Variants in MSRB1 observed in about 807,000 individuals in gnomAD.
The protein encoded by MSRB1 is methionine-R-sulfoxide reductase B1.
Under a neutral mutation model 15.2 loss-of-function variants are expected in MSRB1, and 13 were observed. The observed-to-expected ratio is 0.86, with a 90% CI of 0.56 to 1.36. MSRB1 has a LOEUF of 1.36. Ranked by LOEUF, MSRB1 falls within the 40% of genes most tolerant of loss-of-function variation. MSRB1 has a pLI of 0.00. For missense variants in MSRB1, 174 were observed against 155.9 expected, an observed-to-expected ratio of 1.12 and a Z score of -0.62; for synonymous variants, 68 against 64.5, an observed-to-expected ratio of 1.05 and a Z score of -0.26.
In MSRB1 at chr16:1,940,830, C is replaced by CG. The variant is rs764550663; in HGVS notation, c.266dup (p.Gln91AlafsTer16). ...TGAATATTCAGAATCGGGACTGCCC[C>CG]GGCTTGGGGCCGTCGTTCAGGAACT... On this transcript the variant is annotated frameshift_variant, in exon 3 of 4. Transcript: ENST00000361871. LOFTEE classifies it high-confidence loss of function. 1.2e-6 allele frequency: 2 copies of CG among 1,614,026 alleles called. No individual in the cohort carries two copies. Among genetic ancestry groups the CG allele is most frequent in the Non-Finnish European group, 1.7e-6 (2 of 1,180,054 alleles).
At chr16:1,940,618 G>A (rs1304365420) in intron 3 of MSRB1, among the ~76,000 whole-genome samples, 160 bp downstream of exon 3, 2 of 152,262 alleles carry the variant, frequency 1.3e-5, no homozygotes, top group Admixed American at 1.3e-4. Context: ...TTGCCCCTGC[G>A]CTGCAGCCAC....
At chr16:1,941,637 C>A (rs563460274) in intron 1 of MSRB1, 52 of 594,920 alleles carry the variant, frequency 8.7e-5, no homozygotes, top group Non-Finnish European at 5.9e-6. Flanking sequence ...CTTCTCATAG[C>A]CCCGTGACGG....
At position 1,939,036 on chromosome 16, in the gene MSRB1, G is replaced by T; in HGVS notation, c.*76C>A. Reference sequence around the variant, plus strand: ...CTGCCTTCCTGTCTCGACGCCCAGGGTTCCAACTCCAAGGTGGAATGGCCA... The same window carrying T: ...CTGCCTTCCTGTCTCGACGCCCAGGTTTCCAACTCCAAGGTGGAATGGCCA... On this transcript the variant is annotated 3_prime_UTR_variant, in exon 4 of 4. Coordinates refer to ENST00000361871, the MANE Select transcript of MSRB1 (RefSeq NM_016332.4). 1.9e-6 allele frequency: 3 copies of T among 1,566,580 alleles called. No individual in the cohort carries two copies. The highest frequency in any genetic ancestry group is 4.5e-5 in the East Asian group (2 of 44,204).
At chr16:1,940,681 A>C in intron 3 of MSRB1, 97 bp downstream of exon 3, 1 of 1,422,294 alleles carries the variant, frequency 7.0e-7, no homozygotes, top group South Asian at 1.4e-5. Flanking sequence ...GTGGCCCCAT[A>C]CCTTGTCATG....
At chr16:1,939,691 C>T (rs2083063239) in intron 3 of MSRB1, among the ~76,000 whole-genome samples, 1 of 152,146 alleles carries the variant, frequency 6.6e-6, no homozygotes, top group African/African-American at 2.4e-5. Flanking sequence ...CGGTAGCTCA[C>T]GCCTATAATC....
At chr16:1,939,227 G>T (rs1567306021) in intron 3 of MSRB1, 84 bp from the exon 4 acceptor site, 2 of 1,444,874 alleles carry the variant, frequency 1.4e-6, no homozygotes, top group African/African-American at 2.8e-5. Context: ...GCGGTGGAAA[G>T]CCAGGGTAGG....
In MSRB1 at chr16:1,943,193, A is replaced by T. The variant is rs575130473; in HGVS notation, c.-37T>A. On this transcript the variant is annotated 5_prime_UTR_variant, in exon 1 of 4. It adds an upstream start codon to the 5' untranslated region. Coordinates refer to ENST00000361871, the MANE Select transcript of MSRB1 (RefSeq NM_016332.4). Reference sequence around the variant, plus strand: ...AACCGCAGCGCGCTTGCCGCTGCCAACTGACCAAAGGCTGCCGACCCGACG... The same window carrying T: ...AACCGCAGCGCGCTTGCCGCTGCCATCTGACCAAAGGCTGCCGACCCGACG... The T allele has an allele frequency of 1.4e-5, 21 of 1,550,282 alleles. No homozygotes were observed. In the East Asian group the frequency reaches 4.9e-4, roughly 36 times the overall value.
chr16:1,939,242 G>A (rs2083059784), intron 3 of MSRB1, 99 bp from the exon 4 acceptor site: 2 of 1,337,712 alleles, frequency 1.5e-6, no homozygotes, highest in South Asian at 1.4e-5. Context: ...GGTAGGGGCA[G>A]AAAGCAAGTC....
At chr16:1,940,519 G>C (rs528732708) in intron 3 of MSRB1, among the ~76,000 whole-genome samples, 6 of 152,386 alleles carry the variant, frequency 3.9e-5, no homozygotes, top group African/African-American at 1.4e-4. Context: ...CCAGGCCTCT[G>C]AGGAAAACCA....
chr16:1,938,519 C>A lies in MSRB1; in HGVS notation c.*593G>T. 6.4e-6 allele frequency: 1 copy of A among 157,200 alleles called. No homozygotes were observed. Among genetic ancestry groups the A allele is most frequent in the Non-Finnish European group, 1.4e-5 (1 of 70,608 alleles). The allele number at this position is 157,200 out of a possible 1,614,324, so 9.7% of individuals were successfully genotyped here. A position where few individuals can be genotyped will look rare whatever the true frequency, so the allele number is the denominator to read the frequency against. The stretch of plus-strand genomic sequence containing the variant: ...GAAACAGGGTTTAGGTTTCTCCCCT[C>A]GTGGACGAGAGGCCAAGGGTGTGCC... On this transcript the variant is annotated 3_prime_UTR_variant, in exon 4 of 4. Transcript: ENST00000361871.
chr16:1,943,169 A>G lies in MSRB1; in HGVS notation c.-13T>C. 6.4e-7 allele frequency: 1 copy of G among 1,555,954 alleles called. No homozygotes were observed. The highest frequency in any genetic ancestry group is 1.7e-4 in the Middle Eastern group (1 of 5,998). Reference sequence around the variant, plus strand: ...TGCAGAACGACATGGCGCCACCGGAACCGCAGCGCGCTTGCCGCTGCCAAC... The same window carrying G: ...TGCAGAACGACATGGCGCCACCGGAGCCGCAGCGCGCTTGCCGCTGCCAAC... On this transcript the variant is annotated 5_prime_UTR_variant, in exon 1 of 4. Transcript: ENST00000361871.
rs1223973904 is a variant in MSRB1, at chr16:1,938,272, C to T, written c.*840G>A. The T allele has an allele frequency of 6.6e-6, 1 of 152,232 alleles. No homozygotes were observed. The highest frequency in any genetic ancestry group is 1.5e-5 in the Non-Finnish European group (1 of 68,050). The allele number at this position is 152,232 out of a possible 1,614,324, so 9.4% of individuals were successfully genotyped here. A position where few individuals can be genotyped will look rare whatever the true frequency, so the allele number is the denominator to read the frequency against. ...TTGTCTATGGATTTCCACCTGATTA[C>T]TCCAGAAAGTAATTACTTAAGATGG... On this transcript the variant is annotated 3_prime_UTR_variant, in exon 4 of 4. Coordinates refer to ENST00000361871, the MANE Select transcript of MSRB1 (RefSeq NM_016332.4).
In MSRB1 at chr16:1,939,119, C is replaced by T; in HGVS notation, c.344G>A (p.Gly115Asp). The T allele has an allele frequency of 6.2e-7, 1 of 1,610,320 alleles. No homozygotes were observed. The highest frequency in any genetic ancestry group is 1.1e-5 in the South Asian group (1 of 90,898). The change falls in exon 4 of 4, where the codon GGT becomes GAT. Residue 115 changes from glycine (G) to aspartate (D), a missense_variant. Gly to Asp is a moderately conservative substitution (Grantham distance 94, BLOSUM62 -1). Transcript: ENST00000361871. ...TGGGTGTGGGCTGCCCGCCTAGTGACCCTGGGAGGCAGAAGTTTCTTTGCC... is the reference window on the plus strand; with the variant it reads ...TGGGTGTGGGCTGCCCGCCTAGTGATCCTGGGAGGCAGAAGTTTCTTTGCC... The part of the protein sequence containing the change: ...PKGKETSASQ[G>D]H
At chr16:1,939,247 C>T in intron 3 of MSRB1, 104 bp from the exon 4 acceptor site, 11 of 1,252,048 alleles carry the variant, frequency 8.8e-6, no homozygotes, top group Non-Finnish European at 1.2e-5. Flanking sequence ...GGGCAGAAAG[C>T]AAGTCACTGC....
chr16:1,940,326 C>G (rs1171005043), intron 3 of MSRB1, among the ~76,000 whole-genome samples: 2 of 152,108 alleles, frequency 1.3e-5, no homozygotes, highest in African/African-American at 4.8e-5. Context: ...GTGCCAGGCC[C>G]AGGTGCACGT....
chr16:1,941,415 A>G lies in MSRB1; in HGVS notation c.56-10T>C, dbSNP rs778126755. ...GCACACACGTAAACGCCTGTGGTGG[A>G]AGGAGAGGCAAATGTGGAGTCATCA... is the stretch of plus-strand genomic sequence containing the variant. On this transcript the variant is annotated splice_polypyrimidine_tract_variant and intron_variant, in intron 1 of 3. Transcript: ENST00000361871. 10 of 1,605,432 alleles carry G rather than the reference A, an allele frequency of 6.2e-6. No homozygotes were observed. Among genetic ancestry groups the G allele is most frequent in the Non-Finnish European group, 8.5e-6 (10 of 1,175,528 alleles).
In MSRB1 at chr16:1,940,775, C is replaced by A; in HGVS notation, c.319+3G>T. The A allele has an allele frequency of 6.2e-7, 1 of 1,610,878 alleles. No individual in the cohort carries two copies. The highest frequency in any genetic ancestry group is 1.7e-5 in the Admixed American group (1 of 59,954). ...TGGCCCCAGCTGTGCAAAGCAAGCT[C>A]ACCTTTAGGGACAAACTTCAGCGAG... On this transcript the variant is annotated splice_donor_region_variant and intron_variant, in intron 3 of 3. Transcript: ENST00000361871.
chr16:1,942,787 G>T (rs757934988), intron 1 of MSRB1, among the ~76,000 whole-genome samples: 1 of 152,196 alleles, frequency 6.6e-6, no homozygotes, highest in Non-Finnish European at 1.5e-5. Context: ...GGAGTGTAGG[G>T]GGTAGGGAAG....
rs1359718274 is a variant in MSRB1, at chr16:1,941,377, A to G, written c.84T>C (p.Tyr28=). Reference sequence around the variant, plus strand: ...ACTTCGAGCGGCTGGAGAACAGCTCATAGCCACACTTGGCACACACGTAAA... The same window carrying G: ...ACTTCGAGCGGCTGGAGAACAGCTCGTAGCCACACTTGGCACACACGTAAA... The part of the protein sequence containing the change: ...PGVYVCAKCG[Y]ELFSSRSKYA... Residue 28 remains tyrosine (Y), a synonymous_variant, in exon 2 of 4, where the codon TAT becomes TAC. Transcript: ENST00000361871. 6.2e-7 allele frequency: 1 copy of G among 1,613,522 alleles called. No individual in the cohort carries two copies. The highest frequency in any genetic ancestry group is 8.5e-7 in the Non-Finnish European group (1 of 1,179,884).
Sources: gnomAD v4.1 joint callset for allele counts (sites outside exome capture counted in the v4.1 genomes callset) on GRCh38, gnomAD v4.1.1 for gene constraint, MANE v1.5 for transcripts, NCBI Gene and HGNC (gene_info 2026-07-23, HGNC 2026-07-21) for gene names.